Variants in FRMD4A observed in about 807,000 individuals in gnomAD.
FRMD4A encodes FERM domain-containing protein 4A.
In FRMD4A, 29 loss-of-function variants were observed where a neutral mutation model predicts 129.1. The ratio of observed to expected loss-of-function variants is 0.22; its 90% CI spans 0.17 to 0.31. FRMD4A has a LOEUF of 0.31. FRMD4A is among the 10% of genes least tolerant of loss of function. The pLI is 1.00. For missense variants in FRMD4A, 1,272 were observed against 1,375.8 expected (o/e 0.92, Z 1.19); for synonymous variants, 634 against 571.6 (o/e 1.11, Z -1.56).
At chr10:14,039,459 T>A (rs11258815) in intron 2 of FRMD4A, among the ~76,000 whole-genome samples, 5,104 of 26,266 alleles carry the variant, frequency 0.19, 53 homozygotes, top group East Asian at 0.21. Context: ...TCAATCAATC[T>A]ATCTATCTAT....
chr10:13,656,562 C>A (rs1452060838), intron 22 of FRMD4A, 74 bp downstream of exon 22: 11 of 1,309,330 alleles, frequency 8.4e-6, no homozygotes, highest in Non-Finnish European at 1.1e-5. Context: ...GGTACCTTCC[C>A]CGCGGTAGCC....
chr10:14,330,028 C>A (rs1252124061), intron 2 of FRMD4A, 30 bp downstream of exon 2: 1 of 1,550,996 alleles, frequency 6.4e-7, no homozygotes, highest in Non-Finnish European at 8.7e-7. Flanking sequence ...TGGACGCTGC[C>A]CGGGCCCCAC....
chr10:14,322,346 G>C (rs781468078), intron 2 of FRMD4A, among the ~76,000 whole-genome samples: 1 of 152,244 alleles, frequency 6.6e-6, no homozygotes. Context: ...ACCAACTAAG[G>C]TTGGGGAGAA....
chr10:13,971,699 T>G (rs2095519337), intron 2 of FRMD4A: 1 of 1,304,336 alleles, frequency 7.7e-7, no homozygotes, highest in South Asian at 1.2e-5. Context: ...TAGCAGCAGC[T>G]GCAGAACTCG....
chr10:14,137,443 CTCTT>C (rs1839596893), intron 2 of FRMD4A, among the ~76,000 whole-genome samples: 2 of 152,352 alleles, frequency 1.3e-5, no homozygotes, highest in South Asian at 4.2e-4. Flanking sequence ...GTGTCTTCCT[CTCTT>C]TCTTCCTCTC....
chr10:14,117,729 G>A (rs1458265640), intron 2 of FRMD4A, among the ~76,000 whole-genome samples: 1 of 152,216 alleles, frequency 6.6e-6, no homozygotes, highest in Non-Finnish European at 1.5e-5. Flanking sequence ...CATTCATTCA[G>A]TCAATATTTC....
In FRMD4A at chr10:13,721,042, A is replaced by G. The variant is rs142985894; in HGVS notation, c.760-13929T>C. ...GAATAGGCAAATCCATAGGGACACA[A>G]AGTAGATGAGTGGGTGCCTTGGGCT... is the stretch of plus-strand genomic sequence containing the variant. On this transcript the variant is annotated intron_variant, in intron 12 of 24. Coordinates refer to ENST00000357447, the MANE Select transcript of FRMD4A (RefSeq NM_018027.5). Among the ~76,000 whole-genome samples the G allele has an allele frequency of 1.8e-3, 267 of 152,308 alleles. 1 individual carries two copies. The highest frequency in any genetic ancestry group is 6.1e-3 in the African/African-American group (253 of 41,566).
intron 3 of FRMD4A, among the ~76,000 whole-genome samples, chr10:13,829,376 T>G (rs573534477): frequency 6.6e-6 from 1 of 151,956 alleles, no homozygotes; most frequent in South Asian, 2.1e-4. Context: ...AATAAAAAAA[T>G]TAGCTGGGTG....
rs138351502 is a variant in FRMD4A, at chr10:13,677,107, C to T, written c.1118-2063G>A. 7.9e-4 allele frequency among the ~76,000 whole-genome samples: 120 copies of T among 152,280 alleles called. 1 individual carries two copies. Among genetic ancestry groups the T allele is most frequent in the African/African-American group, 2.6e-3 (110 of 41,562 alleles). On this transcript the variant is annotated intron_variant, in intron 15 of 24. Coordinates refer to ENST00000357447, the MANE Select transcript of FRMD4A (RefSeq NM_018027.5). ...ATAAATATACTATTCTTCTATTTAA[C>T]GTCTCTGAGCAGAAAACCCTGCATT...
At chr10:14,167,890 C>T (rs757662991) in intron 2 of FRMD4A, among the ~76,000 whole-genome samples, 2 of 152,102 alleles carry the variant, frequency 1.3e-5, no homozygotes, top group Non-Finnish European at 1.5e-5. Flanking sequence ...AGGGCATCCC[C>T]GTGGATAGAC....
chr10:14,005,559 G>T (rs549361964), intron 2 of FRMD4A, among the ~76,000 whole-genome samples: 1 of 152,200 alleles, frequency 6.6e-6, no homozygotes, highest in Admixed American at 6.5e-5. Flanking sequence ...TGGAAATCAT[G>T]TTCTTCTCTT....
intron 2 of FRMD4A, among the ~76,000 whole-genome samples, chr10:13,881,247 A>C (rs1446198386): frequency 2.6e-5 from 2 of 77,440 alleles, no homozygotes; most frequent in Non-Finnish European, 5.2e-5. Flanking sequence ...TGAGACCCCC[A>C]TCTCTAAAAA....
chr10:13,762,857 G>T (rs1022889894), intron 6 of FRMD4A, among the ~76,000 whole-genome samples, 177 bp from the exon 7 acceptor site: 1 of 152,260 alleles, frequency 6.6e-6, no homozygotes, highest in African/African-American at 2.4e-5. Context: ...AGCTGGGCAG[G>T]GTGGTGCACG....
At chr10:14,147,433 C>G (rs921432678) in intron 2 of FRMD4A, among the ~76,000 whole-genome samples, 2 of 152,248 alleles carry the variant, frequency 1.3e-5, no homozygotes, top group Non-Finnish European at 2.9e-5. Flanking sequence ...CAGGATGATT[C>G]AAGCACATTA....
At chr10:13,975,038 C>T (rs2095536659) in intron 2 of FRMD4A, among the ~76,000 whole-genome samples, 1 of 150,948 alleles carries the variant, frequency 6.6e-6, no homozygotes, top group Non-Finnish European at 1.5e-5. Context: ...TCTGAGTATG[C>T]ATGTGCGTGT....
intron 15 of FRMD4A, chr10:13,684,744 G>A (rs561507665): frequency 1.0e-6 from 1 of 984,914 alleles, no homozygotes; most frequent in Non-Finnish European, 1.2e-6. Flanking sequence ...TCAGAAGACA[G>A]AGAAGGGGTG....
At chr10:13,918,833 A>G (rs1287133583) in intron 2 of FRMD4A, among the ~76,000 whole-genome samples, 2 of 151,988 alleles carry the variant, frequency 1.3e-5, no homozygotes, top group Non-Finnish European at 2.9e-5. Context: ...CCGCCAGTCA[A>G]TACTGTTATA....
chr10:13,726,943 G>A lies in FRMD4A; in HGVS notation c.759+10901C>T, dbSNP rs192944954. On this transcript the variant is annotated intron_variant, in intron 12 of 24. Transcript: ENST00000357447. ...CAGGGTCCCACGATGTCGCTCTGTCGCCCAGGCTGGAGTGCGATGGCACGA... is the reference window on the plus strand; with the variant it reads ...CAGGGTCCCACGATGTCGCTCTGTCACCCAGGCTGGAGTGCGATGGCACGA... Among the ~76,000 whole-genome samples, 67 of 151,846 alleles carry A rather than the reference G, an allele frequency of 4.4e-4. 1 individual carries two copies. Among genetic ancestry groups the A allele is most frequent in the Admixed American group, 3.6e-3 (55 of 15,226 alleles).
At chr10:13,914,267 A>G (rs778628459) in intron 2 of FRMD4A, among the ~76,000 whole-genome samples, 1 of 152,244 alleles carries the variant, frequency 6.6e-6, no homozygotes, top group Admixed American at 6.5e-5. Flanking sequence ...TACTCTTATC[A>G]TAGGCAGACT....
Sources: gnomAD v4.1 joint callset for allele counts (sites outside exome capture counted in the v4.1 genomes callset) on GRCh38, gnomAD v4.1.1 for gene constraint, MANE v1.5 for transcripts, NCBI Gene and HGNC (gene_info 2026-07-23, HGNC 2026-07-21) for gene names.